The following DENND5B variants were observed in gnomAD, a reference collection of about 807,000 sequenced individuals.
DENND5B encodes DENN domain containing 5B, also known as DENN domain-containing protein 5B.
A neutral mutation model predicts 140.6 loss-of-function variants in DENND5B; 34 were observed. The ratio of observed to expected loss-of-function variants is 0.24; its 90% CI spans 0.18 to 0.32. The LOEUF (loss-of-function observed/expected upper bound fraction) is 0.32, where lower values mean the gene tolerates loss of function less well. DENND5B is among the 10% of genes least tolerant of loss of function. The pLI, the probability that DENND5B is intolerant of heterozygous loss-of-function variation, is 1.00. For synonymous variants in DENND5B, 551 were observed against 562.1 expected (o/e 0.98, Z 0.28); for missense variants, 1,142 against 1,560.2 (o/e 0.73, Z 4.52).
chr12:31,428,653 C>T (rs182796578), intron 8 of DENND5B, among the ~76,000 whole-genome samples: 2 of 152,072 alleles, frequency 1.3e-5, no homozygotes, highest in East Asian at 3.9e-4. Context: ...CTGCAACCTC[C>T]GCCTTCCAGG....
At chr12:31,456,265 G>A (rs1486043524) in intron 4 of DENND5B, among the ~76,000 whole-genome samples, 1 of 150,204 alleles carries the variant, frequency 6.7e-6, no homozygotes, top group Non-Finnish European at 1.5e-5. Context: ...GGCAGGTGGA[G>A]GTTGCAGTCA....
chr12:31,588,931 C>T (rs1265005537), intron 1 of DENND5B, among the ~76,000 whole-genome samples: 1 of 152,026 alleles, frequency 6.6e-6, no homozygotes, highest in African/African-American at 2.4e-5. Context: ...AGCAGAAATC[C>T]CAATCACCCA....
intron 1 of DENND5B, among the ~76,000 whole-genome samples, chr12:31,527,907 C>G (rs920894026): frequency 6.6e-6 from 1 of 152,046 alleles, no homozygotes; most frequent in African/African-American, 2.4e-5. Context: ...AATTCCACAA[C>G]GTGGGATAGT....
chr12:31,393,120 T>A (rs1941235497), intron 17 of DENND5B, among the ~76,000 whole-genome samples: 1 of 152,148 alleles, frequency 6.6e-6, no homozygotes, highest in Non-Finnish European at 1.5e-5. Flanking sequence ...ACATCACTCC[T>A]CAAATGTTCC....
Position 31,433,205 on chromosome 12 carries a change from G to A in DENND5B, c.2056C>T (p.Arg686Cys), listed in dbSNP as rs375599938. The A allele has an allele frequency of 6.8e-6, 11 of 1,613,792 alleles. No homozygotes were observed. Among genetic ancestry groups the A allele is most frequent in the African/African-American group, 4.0e-5 (3 of 74,914 alleles). ...RSATAQRRKE[R>C]LRQHSEHVGL... ...ACATGCTCAGAATGCTGGCGAAGGC[G>A]TTCTTTCCTGCGCTGTGCAGTGGCA... Residue 686 changes from arginine to cysteine, a missense_variant, in exon 8 of 21, where the codon CGC (arginine) becomes TGC (cysteine). Arg to Cys is a radical substitution (Grantham distance 180). Coordinates refer to ENST00000389082, the MANE Select transcript of DENND5B (RefSeq NM_144973.4).
chr12:31,574,977 G>A (rs1949960052), intron 1 of DENND5B, among the ~76,000 whole-genome samples: 1 of 152,198 alleles, frequency 6.6e-6, no homozygotes, highest in Non-Finnish European at 1.5e-5. Context: ...TTTTAACTGT[G>A]AAATCACAGT....
intron 1 of DENND5B, among the ~76,000 whole-genome samples, chr12:31,583,031 C>T (rs1303025277): frequency 6.6e-6 from 1 of 152,124 alleles, no homozygotes; most frequent in Non-Finnish European, 1.5e-5. Flanking sequence ...TGGTGGCTCA[C>T]GCCTGTAATC....
intron 1 of DENND5B, among the ~76,000 whole-genome samples, chr12:31,581,869 T>A (rs1426812457): frequency 1.3e-5 from 2 of 152,156 alleles, no homozygotes; most frequent in Non-Finnish European, 2.9e-5. Flanking sequence ...TCAAGCCCCT[T>A]ACATAAAATC....
intron 19 of DENND5B, among the ~76,000 whole-genome samples, chr12:31,390,497 G>C (rs1406941830): frequency 6.6e-6 from 1 of 151,924 alleles, no homozygotes; most frequent in Non-Finnish European, 1.5e-5. Context: ...AAATTAGCTG[G>C]GCGTGGTGGC....
chr12:31,479,887 C>T lies in DENND5B; in HGVS notation c.606G>A (p.Gln202=), dbSNP rs2138542801. 1 of 1,613,950 alleles carries T rather than the reference C, an allele frequency of 6.2e-7. No individual in the cohort carries two copies. Among genetic ancestry groups the T allele is most frequent in the Non-Finnish European group, 8.5e-7 (1 of 1,179,828 alleles). ...GCTGGATAAGGAATTTCTTGCAGGC[C>T]TGCATGAATGGTAACGGTGTGATCA... ...ICLITPLPFM[Q]ACKKFLIQLY... The change falls in exon 3 of 21, where the codon CAG becomes CAA. Residue 202 remains glutamine, a synonymous_variant. Coordinates refer to ENST00000389082, the MANE Select transcript of DENND5B (RefSeq NM_144973.4).
rs146036953 is a variant in DENND5B, at chr12:31,474,805, A to G, written c.904+4784T>C. Reference sequence around the variant, plus strand: ...CACCTATTTCATTCATTTAACTGAAATATTTTTCTCTAATAGAAGAGACAT... The same window carrying G: ...CACCTATTTCATTCATTTAACTGAAGTATTTTTCTCTAATAGAAGAGACAT... On this transcript the variant is annotated intron_variant, in intron 3 of 20. Coordinates refer to ENST00000389082, the MANE Select transcript of DENND5B (RefSeq NM_144973.4). 4.1e-3 allele frequency among the ~76,000 whole-genome samples: 630 copies of G among 152,324 alleles called. 5 individuals are homozygous for G. Among genetic ancestry groups the G allele is most frequent in the African/African-American group, 0.014 (575 of 41,586 alleles).
At chr12:31,554,545 G>T (rs190357171) in intron 1 of DENND5B, among the ~76,000 whole-genome samples, 1 of 152,060 alleles carries the variant, frequency 6.6e-6, no homozygotes, top group Non-Finnish European at 1.5e-5. Context: ...ATGTGTCTTG[G>T]AGTTGCTCTC....
intron 1 of DENND5B, among the ~76,000 whole-genome samples, chr12:31,556,041 C>T (rs1259399): frequency 0.025 from 3,752 of 152,310 alleles, 164 homozygotes; most frequent in African/African-American, 0.086. Flanking sequence ...TCGGCTTGCG[C>T]GTGGTGCGCT....
intron 1 of DENND5B, among the ~76,000 whole-genome samples, chr12:31,552,613 G>T (rs545894555): frequency 2.0e-3 from 303 of 152,262 alleles, no homozygotes; most frequent in Admixed American, 4.0e-3. Context: ...TTTTTCTACT[G>T]ATTGGAATAG....
At chr12:31,447,075 C>T (rs1788721261) in intron 6 of DENND5B, among the ~76,000 whole-genome samples, 1 of 151,974 alleles carries the variant, frequency 6.6e-6, no homozygotes, top group Non-Finnish European at 1.5e-5. Context: ...AGTTCAAGAC[C>T]AGCCTGGCCA....
At position 31,570,380 on chromosome 12, in the gene DENND5B, A is replaced by C. The variant is rs1270143773; in HGVS notation, c.127+20326T>G. On this transcript the variant is annotated intron_variant, in intron 1 of 20. Coordinates refer to ENST00000389082, the MANE Select transcript of DENND5B (RefSeq NM_144973.4). ...CAAGCTCCGCCTCCTGGGTTCACCCACCATTCTCCTGCCTCAGCCTCCCGA... is the reference window on the plus strand; with the variant it reads ...CAAGCTCCGCCTCCTGGGTTCACCCCCCATTCTCCTGCCTCAGCCTCCCGA... Among the ~76,000 whole-genome samples, 9 of 146,014 alleles carry C rather than the reference A, an allele frequency of 6.2e-5. No homozygotes were observed. In the East Asian group the frequency reaches 1.9e-3, roughly 30 times the overall value.
intron 1 of DENND5B, among the ~76,000 whole-genome samples, chr12:31,515,114 C>A (rs1194670866): frequency 2.0e-5 from 3 of 152,140 alleles, no homozygotes; most frequent in Admixed American, 6.6e-5. Flanking sequence ...CAGAGTGAGA[C>A]CCTGTCTCTA....
chr12:31,453,477 T>C (rs1285329535), intron 4 of DENND5B, among the ~76,000 whole-genome samples: 2 of 152,258 alleles, frequency 1.3e-5, no homozygotes, highest in Non-Finnish European at 1.5e-5. Flanking sequence ...TAACCTCTAC[T>C]GTCCATACTC....
chr12:31,424,940 T>C (rs562005478), intron 9 of DENND5B, among the ~76,000 whole-genome samples: 8 of 152,228 alleles, frequency 5.3e-5, no homozygotes, highest in Non-Finnish European at 1.2e-4. Context: ...GGCATCCCCA[T>C]GTTGAAAAGA....
Sources: allele counts gnomAD v4.1 joint callset (sites outside exome capture counted in the v4.1 genomes callset), GRCh38; gene constraint gnomAD v4.1.1; transcripts MANE v1.5; gene names NCBI Gene and HGNC (gene_info 2026-07-23, HGNC 2026-07-21).